BICD1: variants seen among roughly 807,000 people sequenced by gnomAD.
BICD1 encodes protein bicaudal D homolog 1.
Under a neutral mutation model 92.5 loss-of-function variants are expected in BICD1, and 35 were observed. The observed-to-expected ratio is 0.38, with a 90% CI of 0.29 to 0.50. BICD1 has a LOEUF of 0.50. Among genes scored for constraint, BICD1 ranks in the 20% least tolerant of loss-of-function variants. BICD1 has a pLI of 0.93. For missense variants in BICD1, 950 were observed against 1,189.8 expected, an observed-to-expected ratio of 0.80 and a Z score of 2.97; for synonymous variants, 429 against 465.1, an observed-to-expected ratio of 0.92 and a Z score of 1.00.
intron 1 of BICD1, among the ~76,000 whole-genome samples, chr12:32,181,968 T>C (rs1465830737): frequency 6.6e-6 from 1 of 152,018 alleles, no homozygotes; most frequent in Non-Finnish European, 1.5e-5. Flanking sequence ...TGATAGTAAT[T>C]GCTCTAAGAT....
chr12:32,371,122 T>C (rs1221957452), intron 9 of BICD1, among the ~76,000 whole-genome samples: 1 of 152,204 alleles, frequency 6.6e-6, no homozygotes. Flanking sequence ...TTTAGGTTGC[T>C]TACTACTACC....
intron 8 of BICD1, among the ~76,000 whole-genome samples, chr12:32,367,075 T>C (rs904755133): frequency 2.0e-5 from 3 of 152,230 alleles, no homozygotes; most frequent in African/African-American, 7.2e-5. Context: ...TACTATGTAA[T>C]AGACATTCTA....
At chr12:32,236,706 G>A (rs1946083203) in intron 2 of BICD1, among the ~76,000 whole-genome samples, 1 of 152,120 alleles carries the variant, frequency 6.6e-6, no homozygotes, top group African/African-American at 2.4e-5. Flanking sequence ...CAGCCAAACT[G>A]TGAATGCAAA....
chr12:32,113,241 T>G (rs1418291175), intron 1 of BICD1, among the ~76,000 whole-genome samples: 1 of 151,936 alleles, frequency 6.6e-6, no homozygotes, highest in Non-Finnish European at 1.5e-5. Context: ...GAACAGGCAT[T>G]GGATGTTACT....
chr12:32,165,991 C>T (rs1943753008), intron 1 of BICD1, among the ~76,000 whole-genome samples: 1 of 152,040 alleles, frequency 6.6e-6, no homozygotes, highest in Non-Finnish European at 1.5e-5. Context: ...AGTGAACAGA[C>T]CATGTTGATC....
At chr12:32,178,698 A>G (rs1006912141) in intron 1 of BICD1, among the ~76,000 whole-genome samples, 1 of 151,978 alleles carries the variant, frequency 6.6e-6, no homozygotes, top group African/African-American at 2.4e-5. Flanking sequence ...GGACCATAGA[A>G]GCAGGGATCT....
intron 8 of BICD1, among the ~76,000 whole-genome samples, chr12:32,350,016 G>A (rs541313883): frequency 4.1e-4 from 63 of 152,294 alleles, no homozygotes; most frequent in Non-Finnish European, 8.2e-4. Context: ...CATTGTAAAC[G>A]GTTAGGAAAA....
intron 2 of BICD1, among the ~76,000 whole-genome samples, chr12:32,229,232 CAG>C (rs986991221): frequency 3.3e-5 from 5 of 152,076 alleles, no homozygotes; most frequent in African/African-American, 9.7e-5. Context: ...GTCTTGGCGA[CAG>C]AGCAAGACTC....
Position 32,337,476 on chromosome 12 carries a change from C to A in BICD1, c.2253-23C>A. 2.5e-6 allele frequency: 4 copies of A among 1,589,606 alleles called. No homozygotes were observed. Among genetic ancestry groups the A allele is most frequent in the Non-Finnish European group, 3.4e-6 (4 of 1,160,986 alleles). On this transcript the variant is annotated intron_variant, in intron 6 of 9. Transcript: ENST00000652176. The surrounding 1 kb of genome is among the most constrained non-coding windows in gnomAD (Gnocchi z 4.7). ...CAGTTTCACCAAGATTTTCCTCTGA[C>A]CACTTCTCTGTTTTGGTTCCAGATG...
intron 1 of BICD1, among the ~76,000 whole-genome samples, chr12:32,178,594 G>T (rs1017541223): frequency 6.6e-6 from 1 of 151,994 alleles, no homozygotes; most frequent in East Asian, 1.9e-4. Flanking sequence ...GTGATTTACA[G>T]CACTAAGCTC....
At chr12:32,375,508 C>T (rs1298845464) in intron 9 of BICD1, among the ~76,000 whole-genome samples, 1 of 152,064 alleles carries the variant, frequency 6.6e-6, no homozygotes, top group African/African-American at 2.4e-5. Flanking sequence ...CCTGCCTGGG[C>T]GACAGTGAGA....
At chr12:32,238,482 T>G (rs552900927) in intron 2 of BICD1, among the ~76,000 whole-genome samples, 1 of 152,320 alleles carries the variant, frequency 6.6e-6, no homozygotes, top group South Asian at 2.1e-4. Flanking sequence ...GGATTTAGAA[T>G]ATCCCATAAA....
chr12:32,247,859 C>T (rs929211873), intron 2 of BICD1, among the ~76,000 whole-genome samples: 4 of 151,812 alleles, frequency 2.6e-5, no homozygotes, highest in African/African-American at 4.8e-5. Flanking sequence ...CCAAGGCAGG[C>T]GGATCACCTG....
At position 32,338,840 on chromosome 12, in the gene BICD1, C is replaced by A. The variant is rs754744862; in HGVS notation, c.2625C>A (p.Ser875=). ...DQSRPRTSGA[S]YLQNLLRVPP... ...GCCGTCCCAGGACTTCAGGGGCTTCCTACCTACAGAATTTATTAAGAGTTC... is the reference window on the plus strand; with the variant it reads ...GCCGTCCCAGGACTTCAGGGGCTTCATACCTACAGAATTTATTAAGAGTTC... Residue 875 remains serine, a synonymous_variant, in exon 8 of 10, where the codon TCC becomes TCA. Transcript: ENST00000652176. The A allele has an allele frequency of 6.2e-7, 1 of 1,605,522 alleles. No homozygotes were observed. The highest frequency in any genetic ancestry group is 1.1e-5 in the South Asian group (1 of 89,418).
chr12:32,109,519 A>G (rs1017780490), intron 1 of BICD1: 1 of 151,896 alleles, frequency 6.6e-6, no homozygotes, highest in African/African-American at 2.4e-5. Flanking sequence ...ACCAACTAAA[A>G]TTTTTTCTAT....
intron 1 of BICD1, among the ~76,000 whole-genome samples, chr12:32,117,707 T>TACACACACACACACAC (rs1375369579): frequency 1.6e-5 from 1 of 63,536 alleles, no homozygotes; most frequent in African/African-American, 8.6e-5. Context: ...TACACAAATA[T>TACACACACACACACAC]ATATACACAC....
chr12:32,347,846 AGAG>A (rs1938688824), intron 8 of BICD1, among the ~76,000 whole-genome samples: 1 of 152,198 alleles, frequency 6.6e-6, no homozygotes, highest in Non-Finnish European at 1.5e-5. Context: ...TATTTTAAGC[AGAG>A]AGTGCCTTAA....
chr12:32,222,119 A>T (rs1220763412), intron 2 of BICD1, among the ~76,000 whole-genome samples: 3 of 152,216 alleles, frequency 2.0e-5, no homozygotes, highest in African/African-American at 7.2e-5. Context: ...CAAATATAAG[A>T]TATGTTAGAA....
Position 32,313,386 on chromosome 12 carries a change from C to T in BICD1, c.1005+7264C>T, listed in dbSNP as rs1475609765. ...TTGCTTAATTGGTTGCTGCTTATAA[C>T]AACTGTATGGGGTAGAGAGTATTAT... On this transcript the variant is annotated intron_variant, in intron 4 of 9. Transcript: ENST00000652176. The surrounding 1 kb of genome is among the most constrained non-coding windows in gnomAD (Gnocchi z 4.2). Among the ~76,000 whole-genome samples, 5 of 152,058 alleles carry T rather than the reference C, an allele frequency of 3.3e-5. No homozygotes were observed. The highest frequency in any genetic ancestry group is 5.9e-5 in the Non-Finnish European group (4 of 68,004).
Sources: gnomAD v4.1 joint callset for allele counts (sites outside exome capture counted in the v4.1 genomes callset) on GRCh38, gnomAD v4.1.1 for gene constraint, Gnocchi (gnomAD v3.1) non-coding constraint, MANE v1.5 for transcripts, NCBI Gene and HGNC (gene_info 2026-07-23, HGNC 2026-07-21) for gene names.